The following TNNI3K variants were observed in gnomAD, a reference collection of about 807,000 sequenced individuals.
TNNI3K encodes the protein serine/threonine-protein kinase TNNI3K.
TNNI3K carries 140 observed loss-of-function variants against 114.5 expected under a neutral mutation model. The ratio of observed to expected loss-of-function variants is 1.22; its 90% CI spans 1.07 to 1.41. The LOEUF (loss-of-function observed/expected upper bound fraction) is 1.41. Among genes scored for constraint, TNNI3K ranks in the 40% most tolerant of loss-of-function variants. TNNI3K has a pLI of 0.00. For synonymous variants in TNNI3K, 347 were observed against 347.5 expected, an observed-to-expected ratio of 1.00 and a Z score of 0.02; for missense variants, 1,125 against 1,007.6, an observed-to-expected ratio of 1.12 and a Z score of -1.58.
intron 5 of TNNI3K, among the ~76,000 whole-genome samples, chr1:74,305,797 ATTTTG>A (rs1658595668): frequency 6.6e-6 from 1 of 152,188 alleles, no homozygotes; most frequent in Admixed American, 6.5e-5. Context: ...ATAGTTCAAT[ATTTTG>A]TTTTAATTTA....
At chr1:74,435,636 C>G (rs1266213698) in intron 17 of TNNI3K, among the ~76,000 whole-genome samples, 4 of 152,024 alleles carry the variant, frequency 2.6e-5, no homozygotes, top group Non-Finnish European at 5.9e-5. Context: ...CATAGAGAAT[C>G]CTTTTGCTAC....
intron 17 of TNNI3K, among the ~76,000 whole-genome samples, chr1:74,418,607 G>C (rs1202836683): frequency 6.6e-6 from 1 of 151,726 alleles, no homozygotes; most frequent in Non-Finnish European, 1.5e-5. Context: ...GTTTCTAATT[G>C]GGTAAAAATT....
At chr1:74,414,088 A>G (rs1228592214) in intron 17 of TNNI3K, among the ~76,000 whole-genome samples, 1 of 152,216 alleles carries the variant, frequency 6.6e-6, no homozygotes, top group Non-Finnish European at 1.5e-5. Context: ...TGACAATTTT[A>G]TAACGGAGCT....
intron 17 of TNNI3K, among the ~76,000 whole-genome samples, chr1:74,401,487 G>A (rs1398910075): frequency 2.0e-5 from 3 of 152,102 alleles, no homozygotes; most frequent in Admixed American, 1.3e-4. Flanking sequence ...TATATAAATA[G>A]CTTGCCATTG....
intron 21 of TNNI3K, chr1:74,483,359 G>A (rs570435830): frequency 8.4e-6 from 6 of 717,328 alleles, no homozygotes; most frequent in Admixed American, 8.0e-5. Context: ...TGATGGCAAA[G>A]AGTACCAGCC....
intron 17 of TNNI3K, among the ~76,000 whole-genome samples, chr1:74,407,141 T>G (rs1664654358): frequency 6.6e-6 from 1 of 152,208 alleles, no homozygotes; most frequent in Non-Finnish European, 1.5e-5. Flanking sequence ...GTGAAGATTA[T>G]TCTGCTAAAA....
chr1:74,452,437 T>C (rs1667067559), intron 20 of TNNI3K, among the ~76,000 whole-genome samples: 1 of 152,204 alleles, frequency 6.6e-6, no homozygotes, highest in African/African-American at 2.4e-5. Flanking sequence ...GACTCCTCTT[T>C]AGTCTCGTTT....
intron 20 of TNNI3K, among the ~76,000 whole-genome samples, chr1:74,445,720 C>T (rs1341506381): frequency 1.3e-5 from 2 of 149,790 alleles, no homozygotes; most frequent in African/African-American, 2.5e-5. Context: ...ATGCCATTCT[C>T]CTGCCTCAGC....
chr1:74,287,113 G>T (rs1257520842), intron 5 of TNNI3K, among the ~76,000 whole-genome samples: 2 of 151,232 alleles, frequency 1.3e-5, no homozygotes, highest in Non-Finnish European at 2.9e-5. Flanking sequence ...GAGAGAATCA[G>T]CAAGAAAAAA....
intron 5 of TNNI3K, among the ~76,000 whole-genome samples, chr1:74,278,822 T>G (rs1656832609): frequency 6.6e-6 from 1 of 152,188 alleles, no homozygotes; most frequent in African/African-American, 2.4e-5. Flanking sequence ...AGATTGGCTA[T>G]TCCAGACATT....
chr1:74,315,930 A>G lies in TNNI3K; in HGVS notation c.445-15520A>G, dbSNP rs182641310. Among the ~76,000 whole-genome samples, 11 of 152,342 alleles carry G rather than the reference A, an allele frequency of 7.2e-5. No homozygotes were observed. In the East Asian group the frequency reaches 2.1e-3, roughly 29 times the overall value. ...CTTATTGACCACTATGCACAAGGAT[A>G]TAGGATAATTGTAGAAATTGAAAGA... is the stretch of plus-strand genomic sequence containing the variant. On this transcript the variant is annotated intron_variant, in intron 5 of 24. Transcript: ENST00000326637.
rs142279737 is a variant in TNNI3K at position 74,301,206 on chromosome 1, C to A, written c.444+29498C>A. The stretch of plus-strand genomic sequence containing the variant: ...CCTGAGGTCAGGAGTTTGAGATCAT[C>A]CTGGCCAACATGGTGAAACCCTGTC... On this transcript the variant is annotated intron_variant, in intron 5 of 24. Coordinates refer to ENST00000326637, the MANE Select transcript of TNNI3K (RefSeq NM_015978.3). Among the ~76,000 whole-genome samples, 47 of 152,200 alleles carry A rather than the reference C, an allele frequency of 3.1e-4. 1 individual carries two copies. The East Asian group carries it at 8.9e-3, about 29-fold the overall frequency.
chr1:74,420,536 T>G (rs926749886), intron 17 of TNNI3K, among the ~76,000 whole-genome samples: 1 of 152,086 alleles, frequency 6.6e-6, no homozygotes, highest in African/African-American at 2.4e-5. Flanking sequence ...CTTTCAAAAT[T>G]ATTAAATACC....
Position 74,303,538 on chromosome 1 carries a change from T to C in TNNI3K, c.445-27912T>C, listed in dbSNP as rs141316305. Among the ~76,000 whole-genome samples the C allele has an allele frequency of 3.8e-3, 574 of 152,284 alleles. 4 individuals are homozygous for C. The highest frequency in any genetic ancestry group is 0.013 in the African/African-American group (550 of 41,548). On this transcript the variant is annotated intron_variant, in intron 5 of 24. Transcript: ENST00000326637. Reference sequence around the variant, plus strand: ...AAAAAAATTCAATTCAAAATATTACTGCTCATTGGCAACATATCTGGTCAC... The same window carrying C: ...AAAAAAATTCAATTCAAAATATTACCGCTCATTGGCAACATATCTGGTCAC...
At chr1:74,288,863 G>A (rs1006738828) in intron 5 of TNNI3K, among the ~76,000 whole-genome samples, 4 of 151,986 alleles carry the variant, frequency 2.6e-5, no homozygotes, top group African/African-American at 9.7e-5. Context: ...ATCAGTCAAA[G>A]CATCATGTTG....
intron 23 of TNNI3K, 50 bp downstream of exon 23, chr1:74,492,316 T>A: frequency 7.1e-7 from 1 of 1,417,986 alleles, no homozygotes; most frequent in Non-Finnish European, 9.4e-7. Context: ...TTTCAGAATC[T>A]TATCAAGACA....
In TNNI3K at chr1:74,370,260, C is replaced by G. The variant is rs201904646; in HGVS notation, c.1668-28C>G. Reference sequence around the variant, plus strand: ...TTGATATTCGTTTTGACCATTTCATCTCTGTTAAATCTATTTTTAAATTCT... The same window carrying G: ...TTGATATTCGTTTTGACCATTTCATGTCTGTTAAATCTATTTTTAAATTCT... On this transcript the variant is annotated intron_variant, in intron 16 of 24. Coordinates refer to ENST00000326637, the MANE Select transcript of TNNI3K (RefSeq NM_015978.3). The G allele has an allele frequency of 5.8e-6, 9 of 1,541,806 alleles. No individual in the cohort carries two copies. The South Asian group carries it at 1.1e-4, about 19-fold the overall frequency.
At chr1:74,271,339 A>G (rs45536239) in intron 4 of TNNI3K, among the ~76,000 whole-genome samples, 253 of 152,052 alleles carry the variant, frequency 1.7e-3, no homozygotes, top group Non-Finnish European at 3.1e-3. Context: ...GAGTCTCACC[A>G]TAGGTAATGT....
intron 4 of TNNI3K, among the ~76,000 whole-genome samples, chr1:74,254,836 T>C (rs1454341244): frequency 6.6e-6 from 1 of 152,174 alleles, no homozygotes; most frequent in African/African-American, 2.4e-5. Context: ...GGTAGGATGT[T>C]CCTGAAAGTA....
Sources: gnomAD v4.1 joint callset for allele counts (sites outside exome capture counted in the v4.1 genomes callset) on GRCh38, gnomAD v4.1.1 for gene constraint, MANE v1.5 for transcripts, NCBI Gene and HGNC (gene_info 2026-07-23, HGNC 2026-07-21) for gene names.